Variants in DMD observed in about 807,000 individuals in gnomAD.
DMD encodes the protein dystrophin.
In DMD, 63 loss-of-function variants were observed where a neutral mutation model predicts 330.1. That is an observed-to-expected ratio of 0.19 (90% CI 0.16 to 0.24). DMD has a LOEUF of 0.24. Among genes scored for constraint, DMD ranks in the 10% least tolerant of loss-of-function variants. The pLI is 1.00. For missense variants in DMD, 3,344 were observed against 2,684.1 expected (o/e 1.25, Z -5.43); for synonymous variants, 1,223 against 959.8 (o/e 1.27, Z -5.07).
chrX:31,937,085 C>T (rs1346462279), intron 45 of DMD, among the ~76,000 whole-genome samples: 4 of 111,234 alleles, frequency 3.6e-5, no homozygotes, highest in Non-Finnish European at 7.6e-5. Context: ...AAACAATTCT[C>T]GCTGAAAATT....
At chrX:33,219,468 C>CA (rs368358220) in intron 1 of DMD, among the ~76,000 whole-genome samples, 8,780 of 62,653 alleles carry the variant, frequency 0.14, 467 homozygotes, top group African/African-American at 0.23. Flanking sequence ...TTCCACTGGA[C>CA]AAAAAAAAAA....
chrX:32,529,937 T>C (rs929119932), intron 17 of DMD, among the ~76,000 whole-genome samples: 3 of 111,476 alleles, frequency 2.7e-5, no homozygotes, highest in Non-Finnish European at 5.6e-5. Context: ...AATGTATTTC[T>C]AGTTTTATAT....
intron 16 of DMD, among the ~76,000 whole-genome samples, chrX:32,561,893 C>T (rs753123158): frequency 6.3e-4 from 70 of 111,464 alleles, no homozygotes; most frequent in Non-Finnish European, 1.1e-3. Context: ...TATTCAACAC[C>T]GTGAAAGAAA....
chrX:32,338,226 C>T (rs62590691), intron 41 of DMD, among the ~76,000 whole-genome samples: 3,587 of 111,324 alleles, frequency 0.032, 68 homozygotes, highest in Non-Finnish European at 0.051. Flanking sequence ...TTTTTGATTA[C>T]TGATGCTCTG....
intron 43 of DMD, among the ~76,000 whole-genome samples, chrX:32,274,761 T>C (rs988716897): frequency 3.6e-5 from 4 of 112,369 alleles, no homozygotes; most frequent in Non-Finnish European, 7.5e-5. Flanking sequence ...TATAGTGTGC[T>C]GAATGGTTCA....
chrX:31,239,929 G>T (rs1038305583), intron 63 of DMD, among the ~76,000 whole-genome samples: 3 of 111,512 alleles, frequency 2.7e-5, no homozygotes, highest in African/African-American at 3.3e-5. Flanking sequence ...TCCCTTAGAC[G>T]TGCCGCCTTT....
At chrX:31,388,192 AC>A in intron 60 of DMD, among the ~76,000 whole-genome samples, 1 of 107,438 alleles carries the variant, frequency 9.3e-6, no homozygotes, top group Admixed American at 1.0e-4. Flanking sequence ...TTTAGTAGAG[AC>A]GGAGTTTCAC....
At chrX:32,677,676 T>C (rs1249692025) in intron 9 of DMD, among the ~76,000 whole-genome samples, 1 of 111,591 alleles carries the variant, frequency 9.0e-6, no homozygotes, top group African/African-American at 3.3e-5. Flanking sequence ...TATTTACATG[T>C]TTACTTTGTG....
At chrX:33,004,992 T>G (rs1447092365) in intron 2 of DMD, among the ~76,000 whole-genome samples, 1 of 111,132 alleles carries the variant, frequency 9.0e-6, no homozygotes, top group African/African-American at 3.3e-5. Context: ...TTTATTGGTA[T>G]TTGTTTGTGT....
At chrX:32,699,019 CAT>C (rs2063877109) in intron 8 of DMD, 91 bp downstream of exon 8, 3 of 753,235 alleles carry the variant, frequency 4.0e-6, no homozygotes, top group African/African-American at 4.2e-5. Flanking sequence ...CGTGTATATA[CAT>C]ATAAGTTATA....
chrX:32,710,819 T>C (rs1401070513), intron 7 of DMD, among the ~76,000 whole-genome samples: 2 of 110,975 alleles, frequency 1.8e-5, no homozygotes, highest in Admixed American at 1.9e-4. Context: ...GTGAATTCCT[T>C]GTCATCTCAC....
At position 31,929,726 on chromosome X, in the gene DMD, G is replaced by C; in HGVS notation, c.6782C>G (p.Pro2261Arg). 1 of 1,211,193 alleles carries C rather than the reference G, an allele frequency of 8.3e-7. No individual in the cohort carries two copies. Among genetic ancestry groups the C allele is most frequent in the Non-Finnish European group, 1.1e-6 (1 of 895,364 alleles). The change falls in exon 47 of 79, where the codon CCC becomes CGC. Residue 2261 changes from proline (P) to arginine (R), a missense_variant. Coordinates refer to ENST00000357033, the MANE Select transcript of DMD (RefSeq NM_004006.3). Reference sequence around the variant, plus strand: ...TTGTTTGAGAATTCCCTGGCGCAGGGGCAACTCTTCCACCAGTAACTGAAA... The same window carrying C: ...TTGTTTGAGAATTCCCTGGCGCAGGCGCAACTCTTCCACCAGTAACTGAAA... ...EQVKLLVEEL[P>R]LRQGILKQLN...
intron 55 of DMD, among the ~76,000 whole-genome samples, chrX:31,565,908 C>T (rs1293016417): frequency 8.9e-6 from 1 of 112,132 alleles, no homozygotes; most frequent in East Asian, 2.8e-4. Context: ...ATCTGTATAT[C>T]CTTTTTGGTG....
At chrX:32,935,129 C>G (rs1375611281) in intron 2 of DMD, among the ~76,000 whole-genome samples, 1 of 112,384 alleles carries the variant, frequency 8.9e-6, no homozygotes, top group Non-Finnish European at 1.9e-5. Context: ...CAGGCGCCCG[C>G]CACCACGCCC....
chrX:33,093,446 C>G (rs896406658), intron 1 of DMD, among the ~76,000 whole-genome samples: 1 of 112,367 alleles, frequency 8.9e-6, no homozygotes, highest in Non-Finnish European at 1.9e-5. Context: ...ACTCCAGCAA[C>G]TAGCACCTTT....
At chrX:31,742,608 T>A (rs190573826) in intron 51 of DMD, among the ~76,000 whole-genome samples, 70 of 112,031 alleles carry the variant, frequency 6.2e-4, no homozygotes, top group African/African-American at 2.2e-3. Context: ...GGACTCTGTA[T>A]TTAAGACATG....
At chrX:32,908,776 C>T (rs750429868) in intron 2 of DMD, among the ~76,000 whole-genome samples, 46 of 111,674 alleles carry the variant, frequency 4.1e-4, no homozygotes, top group Admixed American at 1.2e-3. Context: ...AAAGGATCTT[C>T]CAGATTCACA....
At chrX:31,914,181 T>A (rs966104404) in intron 47 of DMD, among the ~76,000 whole-genome samples, 1 of 111,942 alleles carries the variant, frequency 8.9e-6, no homozygotes, top group African/African-American at 3.3e-5. Flanking sequence ...ACTGGATTTA[T>A]AGTCTAGGTC....
intron 44 of DMD, among the ~76,000 whole-genome samples, chrX:32,004,408 CAG>C (rs1034257612): frequency 1.8e-5 from 2 of 111,636 alleles, no homozygotes; most frequent in African/African-American, 6.5e-5. Context: ...TAATAAATTA[CAG>C]AGTGAATAGT....
Sources: allele counts gnomAD v4.1 joint callset (sites outside exome capture counted in the v4.1 genomes callset), GRCh38; gene constraint gnomAD v4.1.1; transcripts MANE v1.5; gene names NCBI Gene and HGNC (gene_info 2026-07-23, HGNC 2026-07-21).